KLHL32: variants seen among roughly 807,000 people sequenced by gnomAD.
KLHL32 encodes the protein kelch-like protein 32.
Under a neutral mutation model 64.8 loss-of-function variants are expected in KLHL32, and 35 were observed. The observed-to-expected ratio is 0.54, with a 90% confidence interval of 0.41 to 0.72. The LOEUF (loss-of-function observed/expected upper bound fraction) is 0.72, where lower values mean the gene tolerates loss of function less well. Ranked by LOEUF, KLHL32 falls within the 30% of genes least tolerant of loss-of-function variation. The probability of loss-of-function intolerance (pLI) is 0.00; values close to 1 mark genes in which losing one functional copy is unlikely to be tolerated. For missense variants in KLHL32, 589 were observed against 768.5 expected (o/e 0.77, Z 2.76); for synonymous variants, 259 against 281.0 (o/e 0.92, Z 0.78).
At chr6:96,920,944 G>T (rs1266805197), upstream of KLHL32, among the ~76,000 whole-genome samples, 2 of 152,016 alleles carry the variant, frequency 1.3e-5, no homozygotes, top group African/African-American at 2.4e-5. Context: ...GAGCTTTTAA[G>T]AAAAAAATAA....
chr6:96,918,889 G>A, the KLHL32 span, among the ~76,000 whole-genome samples: 2 of 152,210 alleles, frequency 1.3e-5, no homozygotes, highest in Non-Finnish European at 2.9e-5. Flanking sequence ...CCTCAATTAA[G>A]TCTACTTTTA....
In KLHL32 at chr6:97,139,326, G is replaced by A. The variant is rs377339491; in HGVS notation, c.*44G>A. ...ACAGGAGGAAAACATAGCTCTGACT[G>A]TTGGATACTGGGCATGAAAAGACTC... On this transcript the variant is annotated 3_prime_UTR_variant, in exon 11 of 11. Transcript: ENST00000369261. 2 of 1,528,896 alleles carry A rather than the reference G, an allele frequency of 1.3e-6. No individual in the cohort carries two copies. Among genetic ancestry groups the A allele is most frequent in the East Asian group, 2.3e-5 (1 of 43,602 alleles). The allele number at this position is 1,528,896 out of a possible 1,614,324, so 94.7% of individuals were successfully genotyped here.
intron 3 of KLHL32, among the ~76,000 whole-genome samples, chr6:97,037,222 A>G (rs532988425): frequency 3.3e-5 from 5 of 152,232 alleles, no homozygotes; most frequent in African/African-American, 9.6e-5. Context: ...TGTTTCTAAC[A>G]GTGAAAGGTT....
chr6:97,025,136 G>A, intron 3 of KLHL32: 1 of 982,946 alleles, frequency 1.0e-6, no homozygotes, highest in Non-Finnish European at 1.2e-6. Context: ...CTGATCCTGT[G>A]AGCCTGATGA....
intron 4 of KLHL32, among the ~76,000 whole-genome samples, chr6:97,063,625 C>T (rs1303882068): frequency 1.3e-5 from 2 of 152,310 alleles, no homozygotes; most frequent in Admixed American, 1.3e-4. Context: ...GGTGAATTGA[C>T]TAGTGCCTCC....
chr6:97,071,824 T>C (rs904004069), intron 5 of KLHL32, among the ~76,000 whole-genome samples: 3 of 152,202 alleles, frequency 2.0e-5, no homozygotes, highest in Non-Finnish European at 2.9e-5. Context: ...CTATTTTTCC[T>C]GGACTGCCCT....
chr6:97,012,551 T>C (rs1360939075), intron 3 of KLHL32, among the ~76,000 whole-genome samples: 1 of 152,212 alleles, frequency 6.6e-6, no homozygotes, highest in Non-Finnish European at 1.5e-5. Flanking sequence ...AATAGATTTG[T>C]GTTGTTTTAA....
At chr6:97,059,715 T>C (rs1162941912) in intron 4 of KLHL32, among the ~76,000 whole-genome samples, 2 of 152,212 alleles carry the variant, frequency 1.3e-5, no homozygotes, top group African/African-American at 4.8e-5. Context: ...AAATTTCTCA[T>C]AGCTAGATAG....
intron 6 of KLHL32, 25 bp from the exon 7 acceptor site, chr6:97,113,758 C>T: frequency 6.2e-7 from 1 of 1,600,960 alleles, no homozygotes; most frequent in Non-Finnish European, 8.5e-7. Context: ...TGTGTCTCCT[C>T]TCATCTCACT....
chr6:96,901,160 T>C, the KLHL32 span, among the ~76,000 whole-genome samples: 1 of 152,192 alleles, frequency 6.6e-6, no homozygotes, highest in Non-Finnish European at 1.5e-5. Flanking sequence ...ACTCATGACT[T>C]TTGTCATTGT....
intron 6 of KLHL32, among the ~76,000 whole-genome samples, chr6:97,094,581 C>T (rs546570225): frequency 1.3e-5 from 2 of 152,296 alleles, no homozygotes; most frequent in Admixed American, 6.5e-5. Flanking sequence ...CTCTGACCAC[C>T]TCCTCCTTGT....
At chr6:97,088,854 G>T (rs767306972) in intron 6 of KLHL32, among the ~76,000 whole-genome samples, 1 of 152,188 alleles carries the variant, frequency 6.6e-6, no homozygotes, top group Non-Finnish European at 1.5e-5. Flanking sequence ...TCCATAGGAA[G>T]TGCTGAGTAA....
At chr6:97,015,893 A>G (rs1380065648) in intron 3 of KLHL32, among the ~76,000 whole-genome samples, 1 of 152,160 alleles carries the variant, frequency 6.6e-6, no homozygotes, top group Non-Finnish European at 1.5e-5. Flanking sequence ...AGCCATGGCT[A>G]AAAGGGACCA....
At chr6:96,973,972 T>C (rs986396113) in intron 2 of KLHL32, among the ~76,000 whole-genome samples, 5 of 152,112 alleles carry the variant, frequency 3.3e-5, no homozygotes, top group African/African-American at 1.2e-4. Context: ...TCCACCTGCC[T>C]CAGCCTGCCA....
intron 5 of KLHL32, among the ~76,000 whole-genome samples, chr6:97,069,036 G>T (rs1434260856): frequency 6.6e-6 from 1 of 152,050 alleles, no homozygotes; most frequent in Non-Finnish European, 1.5e-5. Context: ...GAAGGGGGGG[G>T]TCTGTTGCAT....
intron 7 of KLHL32, among the ~76,000 whole-genome samples, chr6:97,123,885 C>T (rs943098887): frequency 1.3e-5 from 2 of 152,140 alleles, no homozygotes; most frequent in Non-Finnish European, 2.9e-5. Flanking sequence ...CAAGGGTACT[C>T]CAGTCTAGGA....
chr6:97,064,350 C>A (rs2294762), intron 4 of KLHL32, among the ~76,000 whole-genome samples: 10,755 of 152,094 alleles, frequency 0.071, 847 homozygotes, highest in Admixed American at 0.21. Flanking sequence ...AATGTTTATA[C>A]CCTTCTACAA....
intron 2 of KLHL32, among the ~76,000 whole-genome samples, 181 bp downstream of exon 2, chr6:96,967,264 T>C (rs1317884805): frequency 2.0e-5 from 3 of 152,220 alleles, no homozygotes; most frequent in African/African-American, 7.2e-5. Flanking sequence ...ACCTACTTAT[T>C]TGTCAAACCT....
At chr6:97,115,146 G>T (rs978143657) in intron 7 of KLHL32, among the ~76,000 whole-genome samples, 2 of 152,058 alleles carry the variant, frequency 1.3e-5, no homozygotes, top group African/African-American at 4.8e-5. Context: ...TTCCCAAATA[G>T]CTGGGACTAC....
Sources: gnomAD v4.1 joint callset for allele counts (sites outside exome capture counted in the v4.1 genomes callset) on GRCh38, gnomAD v4.1.1 for gene constraint, MANE v1.5 for transcripts, NCBI Gene and HGNC (gene_info 2026-07-23, HGNC 2026-07-21) for gene names.